FSTL4: variants seen among roughly 807,000 people sequenced by gnomAD.
The protein encoded by FSTL4 is follistatin-related protein 4.
FSTL4 carries 28 observed loss-of-function variants against 78.2 expected under a neutral mutation model. The observed-to-expected ratio is 0.36, with a 90% CI of 0.27 to 0.49. FSTL4 has a LOEUF of 0.49. FSTL4 is among the 20% of genes least tolerant of loss of function. The pLI is 0.98. For missense variants in FSTL4, 922 were observed against 1,084.9 expected, an observed-to-expected ratio of 0.85 and a Z score of 2.11; for synonymous variants, 422 against 440.5, an observed-to-expected ratio of 0.96 and a Z score of 0.53.
chr5:133,626,925 T>C, the FSTL4 span, among the ~76,000 whole-genome samples: 1 of 152,160 alleles, frequency 6.6e-6, no homozygotes, highest in South Asian at 2.1e-4. Flanking sequence ...TCTTGAATTC[T>C]TCTTTACCTT....
At chr5:133,438,481 G>C (rs939817447) in intron 3 of FSTL4, among the ~76,000 whole-genome samples, 2 of 152,230 alleles carry the variant, frequency 1.3e-5, no homozygotes. Context: ...TAATAGAAAA[G>C]AATATATGAA....
the FSTL4 span, among the ~76,000 whole-genome samples, chr5:133,672,176 C>T: frequency 1.1e-4 from 17 of 152,136 alleles, no homozygotes; most frequent in South Asian, 2.3e-3. Flanking sequence ...GTGCTTTGGA[C>T]GATAAAACTC....
chr5:133,386,488 C>T (rs1424825738), intron 4 of FSTL4, among the ~76,000 whole-genome samples: 2 of 152,166 alleles, frequency 1.3e-5, no homozygotes, highest in African/African-American at 4.8e-5. Context: ...CAGAGAGAAA[C>T]CACATTTCTC....
chr5:133,773,212 A>G, the FSTL4 span, among the ~76,000 whole-genome samples: 1 of 151,622 alleles, frequency 6.6e-6, no homozygotes, highest in Non-Finnish European at 1.5e-5. Flanking sequence ...AAAAATTCTT[A>G]TGGGGACTGG....
At chr5:133,756,731 A>T in the FSTL4 span, among the ~76,000 whole-genome samples, 2 of 152,140 alleles carry the variant, frequency 1.3e-5, no homozygotes, top group Non-Finnish European at 2.9e-5. Context: ...CTGTCTGGAC[A>T]TAGCAGGTGC....
At position 133,426,212 on chromosome 5, in the gene FSTL4, G is replaced by A. The variant is rs543175016; in HGVS notation, c.161-25226C>T. ...ACAGAGTGTGCTAGCAGAAGACAGA[G>A]TGTTGTCCTTCAAGCCTGACCAAAG... On this transcript the variant is annotated intron_variant, in intron 3 of 15. Transcript: ENST00000265342. This position sits in a 1 kb window ranked among gnomAD's most constrained non-coding sequence, Gnocchi z 5.0. Among the ~76,000 whole-genome samples the A allele has an allele frequency of 2.3e-3, 357 of 152,328 alleles. No homozygotes were observed. The highest frequency in any genetic ancestry group is 8.3e-3 in the African/African-American group (347 of 41,582).
the FSTL4 span, among the ~76,000 whole-genome samples, chr5:133,671,683 A>G: frequency 2.2e-3 from 338 of 152,338 alleles, 3 homozygotes; most frequent in African/African-American, 7.8e-3. Flanking sequence ...GGGACCTCAC[A>G]TTCTATATTT....
At chr5:133,456,496 A>C (rs999981632) in intron 3 of FSTL4, among the ~76,000 whole-genome samples, 10 of 152,172 alleles carry the variant, frequency 6.6e-5, no homozygotes, top group African/African-American at 2.4e-4. Flanking sequence ...GGAGGGGGAA[A>C]ACCAGCTGAT....
the FSTL4 span, among the ~76,000 whole-genome samples, chr5:133,799,137 C>A: frequency 5.1e-5 from 7 of 136,948 alleles, 1 homozygote; most frequent in South Asian, 1.7e-3. Flanking sequence ...GGCGAGACAC[C>A]AGCTTCCCTG....
chr5:133,570,758 A>G (rs1339123723), intron 2 of FSTL4, among the ~76,000 whole-genome samples: 1 of 152,254 alleles, frequency 6.6e-6, no homozygotes, highest in Non-Finnish European at 1.5e-5. Flanking sequence ...CAACAGCAAC[A>G]AAAGCAGCCA....
chr5:133,291,573 C>T (rs1753263639), intron 6 of FSTL4, among the ~76,000 whole-genome samples: 1 of 152,154 alleles, frequency 6.6e-6, no homozygotes, highest in Admixed American at 6.5e-5. Flanking sequence ...GGGAAAGGAG[C>T]TCACTTTCAA....
chr5:133,365,165 T>G (rs534807646), intron 4 of FSTL4, among the ~76,000 whole-genome samples: 2 of 151,446 alleles, frequency 1.3e-5, no homozygotes, highest in Admixed American at 1.3e-4. Context: ...TTACGAGGAG[T>G]TTGAGTTTTG....
At chr5:133,301,963 C>T (rs1315806541) in intron 6 of FSTL4, among the ~76,000 whole-genome samples, 6 of 152,134 alleles carry the variant, frequency 3.9e-5, no homozygotes, top group African/African-American at 1.4e-4. Flanking sequence ...CCTCAGCCCA[C>T]AGCCAGGGGA....
intron 1 of FSTL4, 75 bp from the exon 2 acceptor site, chr5:133,604,068 T>G: frequency 9.3e-7 from 1 of 1,079,162 alleles, no homozygotes; most frequent in Admixed American, 1.8e-5. Context: ...AGTTAGTATG[T>G]GTTCCCCAGA....
chr5:133,507,156 C>T (rs968155741), intron 3 of FSTL4, among the ~76,000 whole-genome samples: 22 of 152,114 alleles, frequency 1.4e-4, no homozygotes, highest in African/African-American at 4.6e-4. Flanking sequence ...TGCAGTGAGC[C>T]GAGATCACGC....
chr5:133,360,979 T>A (rs1445559676), intron 4 of FSTL4, among the ~76,000 whole-genome samples: 4 of 152,230 alleles, frequency 2.6e-5, no homozygotes, highest in Non-Finnish European at 5.9e-5. Flanking sequence ...AGAATAAAAC[T>A]GTTCAATCAC....
intron 3 of FSTL4, among the ~76,000 whole-genome samples, chr5:133,430,257 C>G (rs538395244): frequency 2.0e-5 from 3 of 152,332 alleles, no homozygotes; most frequent in East Asian, 3.9e-4. Context: ...TTCATGTGTA[C>G]CTGGAGCTTG....
chr5:133,564,278 C>T (rs1397289225), intron 3 of FSTL4, among the ~76,000 whole-genome samples: 1 of 152,134 alleles, frequency 6.6e-6, no homozygotes, highest in East Asian at 1.9e-4. Flanking sequence ...TGGTTTAGGA[C>T]TTTGACATGT....
chr5:133,381,488 A>G (rs549584643), intron 4 of FSTL4, among the ~76,000 whole-genome samples: 124 of 152,370 alleles, frequency 8.1e-4, no homozygotes, highest in Non-Finnish European at 1.4e-3. Flanking sequence ...ATAAATTTAG[A>G]TAACTATAAA....
Sources: gnomAD v4.1 joint callset for allele counts (sites outside exome capture counted in the v4.1 genomes callset) on GRCh38, gnomAD v4.1.1 for gene constraint, Gnocchi (gnomAD v3.1) non-coding constraint, MANE v1.5 for transcripts, NCBI Gene and HGNC (gene_info 2026-07-23, HGNC 2026-07-21) for gene names.